The following MTAP variants were observed in gnomAD, a reference collection of about 807,000 sequenced individuals.
MTAP encodes the protein S-methyl-5'-thioadenosine phosphorylase.
A neutral mutation model predicts 33.6 loss-of-function variants in MTAP; 33 were observed. That is an observed-to-expected ratio of 0.98 (90% CI 0.74 to 1.31). MTAP has a LOEUF of 1.31. Among genes scored for constraint, MTAP ranks in the 40% most tolerant of loss-of-function variants. The pLI, the probability that MTAP is intolerant of heterozygous loss-of-function variation, is 0.00. For missense variants in MTAP, 367 were observed against 360.0 expected (o/e 1.02, Z -0.16); for synonymous variants, 148 against 125.7 (o/e 1.18, Z -1.19).
At chr9:21,857,868 G>A (rs1046797118) in intron 6 of MTAP, among the ~76,000 whole-genome samples, 1 of 152,180 alleles carries the variant, frequency 6.6e-6, no homozygotes, top group Non-Finnish European at 1.5e-5. Context: ...TTGTCCTGTT[G>A]AGTTTCCCAC....
intron 1 of MTAP, among the ~76,000 whole-genome samples, chr9:21,872,400 C>T (rs1245638090): frequency 2.6e-5 from 4 of 152,192 alleles, no homozygotes; most frequent in African/African-American, 9.6e-5. Flanking sequence ...AGGAAGGCTA[C>T]TTCCCGAATG....
chr9:21,839,430 C>T (rs1825190018), intron 5 of MTAP, among the ~76,000 whole-genome samples: 1 of 152,104 alleles, frequency 6.6e-6, no homozygotes, highest in South Asian at 2.1e-4. Flanking sequence ...GAGGTCAGTT[C>T]TCAGGCAAAA....
At position 21,862,421 on chromosome 9, in the gene MTAP, G is replaced by C. The variant is rs910752890; in HGVS notation, c.*407G>C. 1.3e-5 allele frequency: 2 copies of C among 159,732 alleles called. No individual in the cohort carries two copies. Among genetic ancestry groups the C allele is most frequent in the African/African-American group, 4.8e-5 (2 of 41,642 alleles). The allele number at this position is 159,732 out of a possible 1,614,324, so 9.9% of individuals were successfully genotyped here. ...ACTGTAAATTGGTACAGTATTTCTG[G>C]AGGGCAATTTGGTAAAATGCATCAA... On this transcript the variant is annotated 3_prime_UTR_variant, in exon 8 of 8. Coordinates refer to ENST00000644715, the MANE Select transcript of MTAP (RefSeq NM_002451.4).
At chr9:21,887,446 AT>A (rs768690279) in intron 1 of MTAP, among the ~76,000 whole-genome samples, 1 of 152,010 alleles carries the variant, frequency 6.6e-6, no homozygotes, top group East Asian at 1.9e-4. Context: ...TGAACTCATC[AT>A]TTTTTATGGC....
At chr9:21,840,398 T>G (rs1402936937) in intron 5 of MTAP, among the ~76,000 whole-genome samples, 1 of 152,202 alleles carries the variant, frequency 6.6e-6, no homozygotes, top group Non-Finnish European at 1.5e-5. Flanking sequence ...CTGCAAATTC[T>G]GCAAAACAGG....
At chr9:21,910,701 T>A (rs1393476699) in intron 1 of MTAP, among the ~76,000 whole-genome samples, 1 of 152,178 alleles carries the variant, frequency 6.6e-6, no homozygotes, top group African/African-American at 2.4e-5. Flanking sequence ...GTGATATAAT[T>A]CACATATCAT....
downstream of MTAP, among the ~76,000 whole-genome samples, chr9:21,870,440 G>A (rs1017171037): frequency 6.6e-6 from 1 of 152,128 alleles, no homozygotes; most frequent in African/African-American, 2.4e-5. Context: ...ATACTATCTT[G>A]AATGTACAGC....
chr9:21,884,053 T>C (rs3928893), intron 1 of MTAP, among the ~76,000 whole-genome samples: 65,939 of 151,884 alleles, frequency 0.43, 16,765 homozygotes, highest in African/African-American at 0.67. Flanking sequence ...TTGCAAGAAG[T>C]TTCTTTATCC....
rs1454787856 is a variant in MTAP, at chr9:21,862,009, C to G, written c.847C>G (p.His283Asp). The G allele has an allele frequency of 6.2e-7, 1 of 1,610,932 alleles. No homozygotes were observed. Among genetic ancestry groups the G allele is most frequent in the Non-Finnish European group, 8.5e-7 (1 of 1,177,662 alleles). Reference sequence around the variant, plus strand: ...CCAGTTTTCTGTTTTATTACCAAGACATTAAAGTAGCATGGCTGCCCAGGA... The same window carrying G: ...CCAGTTTTCTGTTTTATTACCAAGAGATTAAAGTAGCATGGCTGCCCAGGA... Reference protein sequence around the residue: ...MAQFSVLLPRH With the variant: ...MAQFSVLLPRD The change falls in exon 8 of 8, where the codon CAT (histidine) becomes GAT (aspartate). Residue 283 changes from histidine to aspartate, a missense_variant. Coordinates refer to ENST00000644715, the MANE Select transcript of MTAP (RefSeq NM_002451.4).
chr9:21,881,470 A>G (rs1367292147), intron 1 of MTAP, among the ~76,000 whole-genome samples: 1 of 152,034 alleles, frequency 6.6e-6, no homozygotes, highest in African/African-American at 2.4e-5. Flanking sequence ...ATTGTAAAAG[A>G]GCAGCACTTG....
At chr9:21,849,543 C>G (rs570800934) in intron 5 of MTAP, among the ~76,000 whole-genome samples, 3 of 152,342 alleles carry the variant, frequency 2.0e-5, no homozygotes, top group South Asian at 4.1e-4. Context: ...AACCCCCACA[C>G]TGGCTCCCTG....
chr9:21,832,731 TC>T (rs2118256596), intron 4 of MTAP, among the ~76,000 whole-genome samples: 1 of 152,330 alleles, frequency 6.6e-6, no homozygotes, highest in East Asian at 1.9e-4. Flanking sequence ...TTATTAAAAA[TC>T]CTACACTACC....
chr9:21,892,634 C>T (rs1488887553), intron 1 of MTAP: 1 of 152,178 alleles, frequency 6.6e-6, no homozygotes, highest in African/African-American at 2.4e-5. Context: ...TTCTTAAAGA[C>T]CTTGATTCCA....
At chr9:21,885,082 A>G (rs937320183) in intron 1 of MTAP, among the ~76,000 whole-genome samples, 7 of 152,146 alleles carry the variant, frequency 4.6e-5, no homozygotes, top group Admixed American at 3.9e-4. Flanking sequence ...TGCTTTATCA[A>G]TGCTTATTTA....
intron 1 of MTAP, 149 bp downstream of exon 1, chr9:21,802,930 C>G (rs140798015): frequency 6.3e-6 from 9 of 1,429,478 alleles, no homozygotes; most frequent in Admixed American, 3.1e-5. Context: ...ACTCGGGACT[C>G]ACTTGCCGCG....
intron 1 of MTAP, among the ~76,000 whole-genome samples, chr9:21,916,281 G>A (rs940911414): frequency 5.3e-5 from 8 of 152,084 alleles, no homozygotes; most frequent in Admixed American, 2.0e-4. Flanking sequence ...GGGTTGAGGT[G>A]GACCCTAATC....
intron 1 of MTAP, among the ~76,000 whole-genome samples, chr9:21,890,403 C>A (rs1263217525): frequency 1.3e-5 from 2 of 152,214 alleles, no homozygotes; most frequent in East Asian, 3.8e-4. Flanking sequence ...TCCCTTCTCA[C>A]CTGCCATGGC....
rs112863248 is a variant in MTAP, at chr9:21,809,397, T to C, written c.34-6036T>C. On this transcript the variant is annotated intron_variant, in intron 1 of 7. Coordinates refer to ENST00000644715, the MANE Select transcript of MTAP (RefSeq NM_002451.4). ...GCTCATGCCTGTAATCCCAGCACTT[T>C]GGGAGGCTGAGGCGGGCGGATCACA... Among the ~76,000 whole-genome samples, 178 of 152,188 alleles carry C rather than the reference T, an allele frequency of 1.2e-3. 1 individual carries two copies. The highest frequency in any genetic ancestry group is 4.2e-3 in the African/African-American group (173 of 41,522).
chr9:21,922,933 C>G lies in MTAP; in HGVS notation c.148-8075C>G, dbSNP rs965487999. ...TGTGCAATGTCTGCAATTTCCTCTG[C>G]TTTTTCAAATACAATTGTCTTTTTC... is the stretch of plus-strand genomic sequence containing the variant. On this transcript the variant is annotated intron_variant, in intron 1 of 1. Coordinates refer to the MTAP transcript ENST00000577563. This position sits in a 1 kb window ranked among gnomAD's most constrained non-coding sequence, Gnocchi z 4.8. Among the ~76,000 whole-genome samples the G allele has an allele frequency of 6.6e-6, 1 of 152,182 alleles. No individual in the cohort carries two copies. Among genetic ancestry groups the G allele is most frequent in the Non-Finnish European group, 1.5e-5 (1 of 68,028 alleles).
Sources: allele counts gnomAD v4.1 joint callset (sites outside exome capture counted in the v4.1 genomes callset), GRCh38; gene constraint gnomAD v4.1.1; non-coding constraint Gnocchi (gnomAD v3.1); transcripts MANE v1.5; gene names NCBI Gene and HGNC (gene_info 2026-07-23, HGNC 2026-07-21).